The following CADM2 variants were observed in gnomAD, a reference collection of about 807,000 sequenced individuals.
CADM2 encodes cell adhesion molecule 2.
Under a neutral mutation model 49.8 loss-of-function variants are expected in CADM2, and 12 were observed. That is an observed-to-expected ratio of 0.24 (90% CI 0.15 to 0.39). The LOEUF (loss-of-function observed/expected upper bound fraction) is 0.39, where lower values mean the gene tolerates loss of function less well. CADM2 is among the 10% of genes least tolerant of loss of function. The pLI is 1.00. For missense variants in CADM2, 378 were observed against 492.3 expected, an observed-to-expected ratio of 0.77 and a Z score of 2.20; for synonymous variants, 214 against 175.4, an observed-to-expected ratio of 1.22 and a Z score of -1.74.
intron 1 of CADM2, among the ~76,000 whole-genome samples, chr3:85,123,287 G>A (rs560867719): frequency 6.6e-6 from 1 of 152,296 alleles, no homozygotes; most frequent in South Asian, 2.1e-4. Context: ...AAAGGGCAAA[G>A]CAATGAGGTT....
intron 8 of CADM2, among the ~76,000 whole-genome samples, chr3:86,032,477 C>A (rs1168960534): frequency 6.6e-6 from 1 of 151,602 alleles, no homozygotes; most frequent in African/African-American, 2.4e-5. Flanking sequence ...AAAAGAAAAC[C>A]TTTTAATGCA....
At chr3:85,242,231 T>G (rs1244994614) in intron 1 of CADM2, among the ~76,000 whole-genome samples, 1 of 151,510 alleles carries the variant, frequency 6.6e-6, no homozygotes, top group Non-Finnish European at 1.5e-5. Flanking sequence ...CAATATCACT[T>G]ATTTTATATT....
chr3:85,321,114 ATATTTTTTTTTTTTTTTTTTTT>A lies in CADM2; in HGVS notation c.61+361448_61+361469del, dbSNP rs2044594793. Reference sequence around the variant, plus strand: ...TACATATATATATATATATATATATATATTTTTTTTTTTTTTTTTTTTTTTTTTTTTTTTTTTTTTTTTTTTT... The same window carrying A: ...TACATATATATATATATATATATATATTTTTTTTTTTTTTTTTTTTTTTTT... On this transcript the variant is annotated intron_variant, in intron 1 of 9. Transcript: ENST00000383699. Among the ~76,000 whole-genome samples the A allele has an allele frequency of 3.9e-3, 132 of 34,084 alleles. 7 individuals are homozygous for A. The highest frequency in any genetic ancestry group is 6.4e-3 in the Non-Finnish European group (92 of 14,424). The allele number at this position is 34,084 out of a possible 152,430, so 22.4% of individuals were successfully genotyped here.
At chr3:85,064,552 T>A (rs1250612590) in intron 1 of CADM2, among the ~76,000 whole-genome samples, 1 of 152,108 alleles carries the variant, frequency 6.6e-6, no homozygotes, top group Non-Finnish European at 1.5e-5. Flanking sequence ...CATATTTTCA[T>A]GGGTTTGTGA....
intron 1 of CADM2, among the ~76,000 whole-genome samples, chr3:85,156,128 C>A (rs1317643737): frequency 2.0e-5 from 3 of 151,890 alleles, no homozygotes; most frequent in Non-Finnish European, 4.4e-5. Context: ...AAAATCAGAG[C>A]AGAACTGAAG....
At chr3:85,746,066 A>G (rs2068607655) in intron 2 of CADM2, among the ~76,000 whole-genome samples, 1 of 152,154 alleles carries the variant, frequency 6.6e-6, no homozygotes, top group African/African-American at 2.4e-5. Flanking sequence ...AAAACGTTTA[A>G]TGTTTACTAG....
chr3:85,980,124 T>TC (rs1727291442), intron 8 of CADM2, among the ~76,000 whole-genome samples: 1 of 151,546 alleles, frequency 6.6e-6, no homozygotes, highest in African/African-American at 2.4e-5. Context: ...AGAGAATTTG[T>TC]CGTATTTAAG....
intron 1 of CADM2, among the ~76,000 whole-genome samples, chr3:85,544,033 C>G (rs145989183): frequency 2.6e-5 from 4 of 152,102 alleles, no homozygotes; most frequent in Non-Finnish European, 4.4e-5. Context: ...AATTAGAAAG[C>G]AACTGTAACA....
At chr3:85,904,721 C>T (rs541374407) in intron 5 of CADM2, among the ~76,000 whole-genome samples, 4 of 152,136 alleles carry the variant, frequency 2.6e-5, no homozygotes, top group African/African-American at 9.6e-5. Flanking sequence ...TCAGGAGTTG[C>T]CCCCAATTTC....
intron 1 of CADM2, among the ~76,000 whole-genome samples, chr3:85,606,262 T>C (rs1435508117): frequency 6.6e-6 from 1 of 152,226 alleles, no homozygotes. Flanking sequence ...ATTTTTTTGA[T>C]TTAAAAGTCT....
rs576781281 is a variant in CADM2 at position 85,157,134 on chromosome 3, T to G, written c.61+197466T>G. 2.6e-4 allele frequency among the ~76,000 whole-genome samples: 40 copies of G among 152,154 alleles called. 1 individual carries two copies. Among genetic ancestry groups the G allele is most frequent in the African/African-American group, 6.7e-4 (28 of 41,516 alleles). ...ATATCTAGGAATCCAACTTACAAGG[T>G]ATGTGAAGGACCTCTTCAAGGAGAA... On this transcript the variant is annotated intron_variant, in intron 1 of 9. Coordinates refer to ENST00000383699, the MANE Select transcript of CADM2 (RefSeq NM_001167675.2).
At chr3:85,000,193 A>C (rs1351184413) in intron 1 of CADM2, among the ~76,000 whole-genome samples, 6 of 148,742 alleles carry the variant, frequency 4.0e-5, no homozygotes, top group African/African-American at 1.2e-4. Context: ...AGCTCACTGT[A>C]ACCTTGACTT....
intron 1 of CADM2, among the ~76,000 whole-genome samples, chr3:85,263,194 G>T (rs922001921): frequency 6.6e-6 from 1 of 151,670 alleles, no homozygotes; most frequent in Non-Finnish European, 1.5e-5. Flanking sequence ...GGGTTTCACC[G>T]TGTTGCCCAG....
intron 8 of CADM2, among the ~76,000 whole-genome samples, chr3:85,973,203 T>C (rs868007925): frequency 1.1e-4 from 17 of 151,700 alleles, no homozygotes; most frequent in African/African-American, 4.1e-4. Flanking sequence ...GTGATGTTAT[T>C]GATAAAGCAC....
chr3:85,307,377 T>G (rs1200454003), intron 1 of CADM2, among the ~76,000 whole-genome samples: 2 of 151,698 alleles, frequency 1.3e-5, no homozygotes, highest in Non-Finnish European at 3.0e-5. Context: ...GAGTGAGCTA[T>G]TCATACATTC....
intron 7 of CADM2, among the ~76,000 whole-genome samples, chr3:85,952,093 T>C (rs1472207453): frequency 6.6e-6 from 1 of 150,780 alleles, no homozygotes; most frequent in African/African-American, 2.4e-5. Flanking sequence ...GAGACTTTTA[T>C]GGAAGTAACA....
chr3:85,420,387 A>G (rs1180077273), intron 1 of CADM2, among the ~76,000 whole-genome samples: 1 of 152,246 alleles, frequency 6.6e-6, no homozygotes, highest in African/African-American at 2.4e-5. Context: ...GTCTTAGAAA[A>G]GAATGCATGA....
chr3:85,575,928 C>T (rs566653809), intron 1 of CADM2, among the ~76,000 whole-genome samples: 14 of 152,232 alleles, frequency 9.2e-5, no homozygotes, highest in African/African-American at 3.1e-4. Context: ...AAATACTAAG[C>T]GCTCAAGACT....
chr3:85,918,463 T>C (rs1403257866), intron 6 of CADM2, among the ~76,000 whole-genome samples: 1 of 152,194 alleles, frequency 6.6e-6, no homozygotes, highest in African/African-American at 2.4e-5. Context: ...CATTTATTGA[T>C]TTTCGTATGT....
Sources: allele counts gnomAD v4.1 joint callset (sites outside exome capture counted in the v4.1 genomes callset), GRCh38; gene constraint gnomAD v4.1.1; transcripts MANE v1.5; gene names NCBI Gene and HGNC (gene_info 2026-07-23, HGNC 2026-07-21).